SDCBP: variants seen among roughly 807,000 people sequenced by gnomAD.
SDCBP encodes the protein syntenin-1.
A neutral mutation model predicts 30.5 loss-of-function variants in SDCBP; 22 were observed. The ratio of observed to expected loss-of-function variants is 0.72; its 90% CI spans 0.52 to 1.03. The LOEUF (loss-of-function observed/expected upper bound fraction) is 1.03. SDCBP is among the 50% of genes least tolerant of loss of function. The probability of loss-of-function intolerance (pLI) is 0.00; values close to 1 mark genes in which losing one functional copy is unlikely to be tolerated. For synonymous variants in SDCBP, 103 were observed against 118.7 expected (o/e 0.87, Z 0.86); for missense variants, 304 against 369.9 (o/e 0.82, Z 1.46).
At chr8:58,578,240 T>C (rs200110688) in intron 6 of SDCBP, 32 bp downstream of exon 6, 7 of 1,447,400 alleles carry the variant, frequency 4.8e-6, no homozygotes, top group African/African-American at 1.5e-5. Flanking sequence ...CAAATGAAAA[T>C]TCAATACTAG....
intron 1 of SDCBP, among the ~76,000 whole-genome samples, chr8:58,564,548 T>C (rs1365752002): frequency 6.6e-6 from 1 of 152,226 alleles, no homozygotes; most frequent in Non-Finnish European, 1.5e-5. Flanking sequence ...TGTGTGTATA[T>C]ATTTTTCTTA....
At chr8:58,572,151 T>A in intron 3 of SDCBP, 54 bp from the exon 4 acceptor site, 1 of 1,059,520 alleles carries the variant, frequency 9.4e-7, no homozygotes. Flanking sequence ...ATGAGAGAAG[T>A]TTTCATTTTG....
intron 1 of SDCBP, among the ~76,000 whole-genome samples, chr8:58,562,553 A>C (rs1804494788): frequency 8.3e-6 from 1 of 120,228 alleles, no homozygotes; most frequent in Non-Finnish European, 1.7e-5. Context: ...AGTTATGATC[A>C]CTTTTCAATA....
intron 4 of SDCBP, among the ~76,000 whole-genome samples, chr8:58,572,800 C>CTTTTTTTTTTTT (rs947602204): frequency 2.4e-5 from 2 of 83,156 alleles, no homozygotes; most frequent in Non-Finnish European, 4.3e-5. Context: ...TGCTCATAAT[C>CTTTTTTTTTTTT]TTTTTTTTTT....
chr8:58,567,455 A>G (rs984079410), intron 2 of SDCBP, among the ~76,000 whole-genome samples: 2 of 152,134 alleles, frequency 1.3e-5, no homozygotes, highest in African/African-American at 2.4e-5. Context: ...CACATGCACA[A>G]CCTCCCCCAG....
Position 58,557,397 on chromosome 8 carries a change from A to G in SDCBP, c.-16+4094A>G, listed in dbSNP as rs1472669213. 6.9e-5 allele frequency among the ~76,000 whole-genome samples: 8 copies of G among 116,100 alleles called. No homozygotes were observed. In the East Asian group the frequency reaches 2.0e-3, roughly 29 times the overall value. The allele number at this position is 116,100 out of a possible 152,430, so 76.2% of individuals were successfully genotyped here. On this transcript the variant is annotated intron_variant, in intron 1 of 8. Transcript: ENST00000260130. ...AAATATAAAAATATTTATATTTAAA[A>G]TATAATAATATAATGTAATATAATA...
intron 4 of SDCBP, among the ~76,000 whole-genome samples, chr8:58,574,620 C>G (rs907241947): frequency 6.6e-6 from 1 of 152,074 alleles, no homozygotes. Flanking sequence ...TCTGTTATCT[C>G]TTCATATCTA....
intron 8 of SDCBP, among the ~76,000 whole-genome samples, chr8:58,581,126 T>C (rs531803137): frequency 1.3e-5 from 2 of 152,032 alleles, no homozygotes; most frequent in African/African-American, 4.8e-5. Flanking sequence ...AGGTTCCTTC[T>C]ATAGAGCTTT....
Position 58,576,068 on chromosome 8 carries a change from A to G in SDCBP, c.402+7A>G, listed in dbSNP as rs780719618. On this transcript the variant is annotated splice_region_variant and intron_variant, in intron 5 of 8. Transcript: ENST00000260130. ...GCTTAAATCAATAGATAATGTAAGT[A>G]TTTTAAATACCTATTTGAATTTGTC... is the stretch of plus-strand genomic sequence containing the variant. 4 of 1,583,460 alleles carry G rather than the reference A, an allele frequency of 2.5e-6. No individual in the cohort carries two copies. In the African/African-American group the frequency reaches 5.4e-5, roughly 21 times the overall value.
chr8:58,568,571 A>G (rs1031033585), intron 2 of SDCBP, among the ~76,000 whole-genome samples: 6 of 152,232 alleles, frequency 3.9e-5, no homozygotes, highest in Non-Finnish European at 7.3e-5. Flanking sequence ...TGTACCATGC[A>G]TAATTGTAGA....
At chr8:58,566,837 C>T (rs183999281) in intron 2 of SDCBP, among the ~76,000 whole-genome samples, 8 of 152,266 alleles carry the variant, frequency 5.3e-5, no homozygotes, top group Admixed American at 3.9e-4. Context: ...ATGAACCAAC[C>T]ATTCATATTT....
In SDCBP at chr8:58,575,934, T is replaced by C. The variant is rs772737023; in HGVS notation, c.275T>C (p.Met92Thr). The change falls in exon 5 of 9, where the codon ATG becomes ACG. Residue 92 changes from methionine to threonine, a missense_variant. Met to Thr is a moderately conservative substitution (Grantham distance 81, BLOSUM62 -1). Transcript: ENST00000260130. ...LVARPSSINY[M>T]VAPVTGNDVG... Reference sequence around the variant, plus strand: ...GCAAGACCTTCCAGTATAAACTATATGGTGGCTCCTGTAACTGGTAATGAT... The same window carrying C: ...GCAAGACCTTCCAGTATAAACTATACGGTGGCTCCTGTAACTGGTAATGAT... 6.2e-7 allele frequency: 1 copy of C among 1,613,592 alleles called. No individual in the cohort carries two copies. The highest frequency in any genetic ancestry group is 1.1e-5 in the South Asian group (1 of 91,068).
At chr8:58,559,648 G>C (rs1804331802) in intron 1 of SDCBP, among the ~76,000 whole-genome samples, 1 of 152,102 alleles carries the variant, frequency 6.6e-6, no homozygotes, top group African/African-American at 2.4e-5. Context: ...ATTATAGCCA[G>C]AGAAATTAGA....
chr8:58,553,568 G>A (rs1803930040), intron 1 of SDCBP, among the ~76,000 whole-genome samples: 1 of 150,572 alleles, frequency 6.6e-6, no homozygotes, highest in Non-Finnish European at 1.5e-5. Context: ...GCTGGGGCTG[G>A]GGCTGGGGCT....
At chr8:58,562,312 A>G (rs1424747083) in intron 1 of SDCBP, among the ~76,000 whole-genome samples, 1 of 151,934 alleles carries the variant, frequency 6.6e-6, no homozygotes, top group African/African-American at 2.4e-5. Context: ...ATTTAAGGAT[A>G]CTTTTTATTT....
At chr8:58,554,497 G>A (rs1406586239) in intron 1 of SDCBP, among the ~76,000 whole-genome samples, 1 of 152,144 alleles carries the variant, frequency 6.6e-6, no homozygotes, top group Non-Finnish European at 1.5e-5. Context: ...ATAAAAAGAA[G>A]TAGAATGACT....
intron 1 of SDCBP, among the ~76,000 whole-genome samples, chr8:58,563,702 G>C (rs531067126): frequency 1.3e-5 from 2 of 152,242 alleles, no homozygotes; most frequent in East Asian, 1.9e-4. Context: ...CTTGTAAGAA[G>C]TAAAGACAAC....
At chr8:58,569,470 G>C (rs1804900894) in intron 2 of SDCBP, among the ~76,000 whole-genome samples, 1 of 152,322 alleles carries the variant, frequency 6.6e-6, no homozygotes, top group South Asian at 2.1e-4. Flanking sequence ...AAAGTGCTGG[G>C]ATTAAAGGCC....
intron 2 of SDCBP, among the ~76,000 whole-genome samples, chr8:58,567,752 T>G (rs75345981): frequency 4.9e-4 from 74 of 152,336 alleles, no homozygotes; most frequent in Non-Finnish European, 7.9e-4. Flanking sequence ...CTGTTGTTCC[T>G]ATGCTACAAA....
Sources: gnomAD v4.1 joint callset for allele counts (sites outside exome capture counted in the v4.1 genomes callset) on GRCh38, gnomAD v4.1.1 for gene constraint, MANE v1.5 for transcripts, NCBI Gene and HGNC (gene_info 2026-07-23, HGNC 2026-07-21) for gene names.